Variants in CERS6 observed in about 807,000 individuals in gnomAD.
CERS6 encodes LAG1 homolog, ceramide synthase 6.
Under a neutral mutation model 56.8 loss-of-function variants are expected in CERS6, and 26 were observed. That is an observed-to-expected ratio of 0.46 (90% confidence interval 0.34 to 0.63). The LOEUF is 0.63. CERS6 is among the 30% of genes least tolerant of loss of function. The probability of loss-of-function intolerance (pLI) is 0.01; values close to 1 mark genes in which losing one functional copy is unlikely to be tolerated. For synonymous variants in CERS6, 164 were observed against 173.3 expected, an observed-to-expected ratio of 0.95 and a Z score of 0.42; for missense variants, 415 against 467.5, an observed-to-expected ratio of 0.89 and a Z score of 1.04.
intron 4 of CERS6, among the ~76,000 whole-genome samples, chr2:168,687,976 T>A (rs769928007): frequency 6.6e-6 from 1 of 152,164 alleles, no homozygotes; most frequent in Non-Finnish European, 1.5e-5. Flanking sequence ...AGTGTTGGAA[T>A]TGCAGGTGTG....
At chr2:168,535,023 T>C (rs1322048283) in intron 1 of CERS6, among the ~76,000 whole-genome samples, 1 of 152,248 alleles carries the variant, frequency 6.6e-6, no homozygotes, top group East Asian at 1.9e-4. Context: ...TGTGTTGGGC[T>C]GTCGGGGACA....
At chr2:168,682,298 T>C (rs938564430) in intron 4 of CERS6, among the ~76,000 whole-genome samples, 3 of 152,194 alleles carry the variant, frequency 2.0e-5, no homozygotes, top group African/African-American at 7.2e-5. Flanking sequence ...AATTTAATAG[T>C]TAATATATGA....
chr2:168,718,108 A>T (rs1687272720), intron 8 of CERS6, 130 bp downstream of exon 8: 2 of 623,396 alleles, frequency 3.2e-6, no homozygotes, highest in South Asian at 4.2e-5. Context: ...AAATACCTCA[A>T]GAAGCTGCTT....
intron 4 of CERS6, among the ~76,000 whole-genome samples, chr2:168,650,110 C>T (rs944402943): frequency 8.5e-5 from 13 of 152,196 alleles, no homozygotes; most frequent in African/African-American, 2.2e-4. Context: ...TGCTGTTCCA[C>T]GTAGCAGTGC....
chr2:168,754,447 T>C (rs1227652102), intron 8 of CERS6, among the ~76,000 whole-genome samples: 1 of 152,222 alleles, frequency 6.6e-6, no homozygotes, highest in Non-Finnish European at 1.5e-5. Flanking sequence ...TTCCTGGATG[T>C]GGTAGAGAAG....
intron 8 of CERS6, among the ~76,000 whole-genome samples, chr2:168,747,615 GTATT>G (rs1401073110): frequency 2.0e-5 from 3 of 151,998 alleles, no homozygotes; most frequent in Non-Finnish European, 2.9e-5. Context: ...GACAAACTAT[GTATT>G]TGAGTGGTTT....
At position 168,771,655 on chromosome 2, in the gene CERS6, A is replaced by C. The variant is rs994026917; in HGVS notation, c.*1993A>C. On this transcript the variant is annotated 3_prime_UTR_variant, in exon 10 of 10. Transcript: ENST00000305747. ...GTAAAAGTTTCTTAATTAAAATATG[A>C]ACATATTTAGCTTGCTTTAGTGTCT... 6.6e-6 allele frequency: 1 copy of C among 152,210 alleles called. No individual in the cohort carries two copies. The highest frequency in any genetic ancestry group is 6.5e-5 in the Admixed American group (1 of 15,274). 9.4% of individuals were successfully genotyped at this position (152,210 alleles called of 1,614,324 possible).
At chr2:168,745,226 G>A (rs956892513) in intron 8 of CERS6, among the ~76,000 whole-genome samples, 1 of 148,682 alleles carries the variant, frequency 6.7e-6, no homozygotes, top group African/African-American at 2.5e-5. Context: ...AAAATCTCAT[G>A]TTATGTTTAT....
intron 4 of CERS6, 121 bp from the exon 5 acceptor site, chr2:168,690,913 G>A (rs2105360868): frequency 1.2e-6 from 1 of 812,216 alleles, no homozygotes; most frequent in East Asian, 2.6e-5. Context: ...AAGTTTGTCA[G>A]TTCTCACACA....
At chr2:168,492,201 T>C (rs1694386486) in intron 1 of CERS6, among the ~76,000 whole-genome samples, 2 of 152,226 alleles carry the variant, frequency 1.3e-5, no homozygotes, top group African/African-American at 2.4e-5. Flanking sequence ...CCACACTGTC[T>C]TCCACAATGG....
chr2:168,575,337 G>A (rs1268790350), intron 3 of CERS6, among the ~76,000 whole-genome samples: 2 of 152,098 alleles, frequency 1.3e-5, no homozygotes, highest in Non-Finnish European at 2.9e-5. Flanking sequence ...TGGCTTGGGA[G>A]GCCTTAGGAA....
At chr2:168,602,891 A>T (rs1384709814) in intron 3 of CERS6, among the ~76,000 whole-genome samples, 1 of 152,194 alleles carries the variant, frequency 6.6e-6, no homozygotes, top group East Asian at 1.9e-4. Flanking sequence ...ATTTCAGGGA[A>T]ATTCTTTGGG....
In CERS6 at chr2:168,774,867, T is replaced by C. The variant is rs536650849; in HGVS notation, c.*5205T>C. ...TAGAAGGGGTGGTGGTGTTTGGATTTGATTTTTTTCAACTTGCAGTGAGAA... is the reference window on the plus strand; with the variant it reads ...TAGAAGGGGTGGTGGTGTTTGGATTCGATTTTTTTCAACTTGCAGTGAGAA... On this transcript the variant is annotated 3_prime_UTR_variant, in exon 10 of 10. Coordinates refer to ENST00000305747, the MANE Select transcript of CERS6 (RefSeq NM_203463.3). 1 of 152,308 alleles carries C rather than the reference T, an allele frequency of 6.6e-6. No homozygotes were observed. The highest frequency in any genetic ancestry group is 2.1e-4 in the South Asian group (1 of 4,820). 9.4% of individuals were successfully genotyped at this position (152,308 alleles called of 1,614,324 possible).
intron 2 of CERS6, among the ~76,000 whole-genome samples, chr2:168,560,284 A>G (rs1326783813): frequency 1.3e-5 from 2 of 152,230 alleles, no homozygotes; most frequent in Non-Finnish European, 2.9e-5. Context: ...TCCTGTGGGA[A>G]TTCAAGATGA....
intron 4 of CERS6, among the ~76,000 whole-genome samples, chr2:168,642,409 G>C (rs6433081): frequency 0.31 from 47,312 of 152,022 alleles, 9,009 homozygotes; most frequent in African/African-American, 0.52. Context: ...GAATTTTCCA[G>C]TATTTTTGTC....
rs531856719 is a variant in CERS6, at chr2:168,712,153, G to A, written c.610-2848G>A. On this transcript the variant is annotated intron_variant, in intron 6 of 9. Transcript: ENST00000305747. The stretch of plus-strand genomic sequence containing the variant: ...CAGAGGAAAAGTACAAGGCAGTTCA[G>A]AAAAAGAGACACCACTAGGGGCCTC... Among the ~76,000 whole-genome samples, 8 of 152,230 alleles carry A rather than the reference G, an allele frequency of 5.3e-5. No homozygotes were observed. In the South Asian group the frequency reaches 8.3e-4, roughly 16 times the overall value.
intron 3 of CERS6, among the ~76,000 whole-genome samples, chr2:168,609,521 C>A (rs967847499): frequency 2.6e-5 from 4 of 152,146 alleles, no homozygotes; most frequent in African/African-American, 9.7e-5. Context: ...AGGTTCAGAA[C>A]AATACCAGAA....
chr2:168,626,077 CTCTCT>C (rs1357173424), intron 3 of CERS6, among the ~76,000 whole-genome samples: 1 of 152,120 alleles, frequency 6.6e-6, no homozygotes, highest in Non-Finnish European at 1.5e-5. Context: ...TCCTGACTTT[CTCTCT>C]TACTAGCTGT....
chr2:168,636,652 C>T lies in CERS6; in HGVS notation c.465+5610C>T, dbSNP rs943147306. ...GCTTCGATGCTTACAAATAGGTAAA[C>T]ATCTGCAACAAAAAGATCTTGAATA... On this transcript the variant is annotated intron_variant, in intron 4 of 9. Coordinates refer to ENST00000305747, the MANE Select transcript of CERS6 (RefSeq NM_203463.3). 5.3e-5 allele frequency among the ~76,000 whole-genome samples: 8 copies of T among 152,336 alleles called. No individual in the cohort carries two copies. In the East Asian group the frequency reaches 1.5e-3, roughly 29 times the overall value.
Sources: gnomAD v4.1 joint callset for allele counts (sites outside exome capture counted in the v4.1 genomes callset) on GRCh38, gnomAD v4.1.1 for gene constraint, MANE v1.5 for transcripts, NCBI Gene and HGNC (gene_info 2026-07-23, HGNC 2026-07-21) for gene names.